The following ZNF362 variants were observed in gnomAD, a reference collection of about 807,000 sequenced individuals.
ZNF362 encodes rotund homolog.
ZNF362 carries 11 observed loss-of-function variants against 42.9 expected under a neutral mutation model. The observed-to-expected ratio is 0.26, with a 90% CI of 0.16 to 0.42. The LOEUF (loss-of-function observed/expected upper bound fraction) is 0.42, where lower values mean the gene tolerates loss of function less well. Ranked by LOEUF, ZNF362 falls within the 20% of genes least tolerant of loss-of-function variation. The probability of loss-of-function intolerance (pLI) is 1.00; values close to 1 mark genes in which losing one functional copy is unlikely to be tolerated. For missense variants in ZNF362, 362 were observed against 576.2 expected, an observed-to-expected ratio of 0.63 and a Z score of 3.81; for synonymous variants, 255 against 257.3, an observed-to-expected ratio of 0.99 and a Z score of 0.09.
At chr1:33,190,804 G>A in the ZNF362 span, among the ~76,000 whole-genome samples, 1 of 152,188 alleles carries the variant, frequency 6.6e-6, no homozygotes, top group Non-Finnish European at 1.5e-5. Context: ...CCAATGAGGA[G>A]GGCAGGAGGG....
At chr1:33,256,908 G>T (rs1189910794) in intron 1 of ZNF362, among the ~76,000 whole-genome samples, 1 of 149,896 alleles carries the variant, frequency 6.7e-6, no homozygotes, top group African/African-American at 2.5e-5. Flanking sequence ...CTCCGAGTGT[G>T]TGTGCGTGTG....
At chr1:33,159,082 T>C in the ZNF362 span, among the ~76,000 whole-genome samples, 1 of 151,866 alleles carries the variant, frequency 6.6e-6, no homozygotes, top group Admixed American at 6.6e-5. The surrounding 1 kb of genome is among the most constrained non-coding windows in gnomAD (Gnocchi z 4.2). Flanking sequence ...TGACCTCAGG[T>C]AATCCACCTG....
chr1:33,182,600 TTGTGTG>T, the ZNF362 span, among the ~76,000 whole-genome samples: 402 of 146,372 alleles, frequency 2.7e-3, 1 homozygote, highest in Middle Eastern at 7.0e-3. Flanking sequence ...AGTGCTGTAT[TTGTGTG>T]TGTGTGTGTG....
At chr1:33,194,110 A>G in the ZNF362 span, among the ~76,000 whole-genome samples, 1 of 152,242 alleles carries the variant, frequency 6.6e-6, no homozygotes, top group Non-Finnish European at 1.5e-5. Context: ...TAAAAATGCA[A>G]TAGATGTTTT....
chr1:33,130,778 G>A, the ZNF362 span, among the ~76,000 whole-genome samples: 1 of 152,252 alleles, frequency 6.6e-6, no homozygotes, highest in African/African-American at 2.4e-5. Flanking sequence ...AAAGACAGAA[G>A]TAGAGAAATT....
chr1:33,161,628 T>C, the ZNF362 span, among the ~76,000 whole-genome samples: 1 of 152,108 alleles, frequency 6.6e-6, no homozygotes, highest in African/African-American at 2.4e-5. The surrounding 1 kb of genome is among the most constrained non-coding windows in gnomAD (Gnocchi z 4.3). Flanking sequence ...ACGGCCAGGC[T>C]GCCGTGGCCT....
At chr1:33,202,335 G>A in the ZNF362 span, among the ~76,000 whole-genome samples, 2 of 152,260 alleles carry the variant, frequency 1.3e-5, no homozygotes, top group South Asian at 2.1e-4. Flanking sequence ...GGTGGCTCAC[G>A]CCTGTAATCC....
chr1:33,236,550 A>AAAAATATATATATATAT, the ZNF362 span, among the ~76,000 whole-genome samples: 1 of 5,978 alleles, frequency 1.7e-4, no homozygotes, highest in African/African-American at 3.9e-4. Flanking sequence ...AAAAAAAAAA[A>AAAAATATATATATATAT]ATATATATAT....
the ZNF362 span, among the ~76,000 whole-genome samples, chr1:33,151,223 G>A: frequency 1.3e-5 from 2 of 152,114 alleles, no homozygotes; most frequent in Non-Finnish European, 2.9e-5. Context: ...CAGCCCTGGC[G>A]AGCGGACCTG....
the ZNF362 span, among the ~76,000 whole-genome samples, chr1:33,162,390 C>T: frequency 1.3e-5 from 2 of 152,224 alleles, no homozygotes; most frequent in African/African-American, 2.4e-5. Flanking sequence ...AGATAACTTT[C>T]CTCTCTTTCA....
the ZNF362 span, chr1:33,158,277 A>G: frequency 1.2e-6 from 2 of 1,613,984 alleles, no homozygotes; most frequent in East Asian, 2.2e-5. Context: ...TGGAACAGGG[A>G]CTTCCAGATG....
At chr1:33,261,432 A>G (rs994868952) in intron 1 of ZNF362, 3 of 152,204 alleles carry the variant, frequency 2.0e-5, no homozygotes, top group African/African-American at 7.2e-5. Context: ...TCCTGGTTTC[A>G]GTGGCCTCTT....
the ZNF362 span, among the ~76,000 whole-genome samples, chr1:33,189,354 C>T: frequency 1.3e-5 from 2 of 151,962 alleles, no homozygotes; most frequent in Non-Finnish European, 2.9e-5. Context: ...TTTGTGACCT[C>T]TGGTCCTGCT....
the ZNF362 span, chr1:33,158,162 C>T: frequency 8.3e-7 from 1 of 1,204,398 alleles, no homozygotes; most frequent in Non-Finnish European, 1.2e-6. Flanking sequence ...CTCATTCACC[C>T]CAACTGCCCC....
chr1:33,205,895 G>A, the ZNF362 span, among the ~76,000 whole-genome samples: 4 of 151,648 alleles, frequency 2.6e-5, no homozygotes, highest in Non-Finnish European at 4.4e-5. Context: ...CATACTGGGC[G>A]ACAGAGCAAG....
At chr1:33,189,452 A>T in the ZNF362 span, among the ~76,000 whole-genome samples, 1 of 151,638 alleles carries the variant, frequency 6.6e-6, no homozygotes, top group Non-Finnish European at 1.5e-5. Context: ...TGGATCTGAC[A>T]GTACACAACT....
At chr1:33,228,582 A>G in the ZNF362 span, among the ~76,000 whole-genome samples, 1 of 152,100 alleles carries the variant, frequency 6.6e-6, no homozygotes, top group Admixed American at 6.6e-5. Flanking sequence ...ATGGGCCACA[A>G]ATTTGGGACT....
the ZNF362 span, among the ~76,000 whole-genome samples, chr1:33,185,223 T>A: frequency 6.6e-6 from 1 of 151,846 alleles, no homozygotes; most frequent in Non-Finnish European, 1.5e-5. Context: ...AGTCACAGAC[T>A]CTTTTTTTTT....
the ZNF362 span, among the ~76,000 whole-genome samples, chr1:33,182,393 TACA>T: frequency 1.3e-5 from 2 of 152,368 alleles, no homozygotes; most frequent in South Asian, 4.1e-4. Flanking sequence ...ATATTTGGAA[TACA>T]ACTTCTGCAT....
Sources: allele counts gnomAD v4.1 joint callset (sites outside exome capture counted in the v4.1 genomes callset), GRCh38; gene constraint gnomAD v4.1.1; non-coding constraint Gnocchi (gnomAD v3.1); transcripts MANE v1.5; gene names NCBI Gene and HGNC (gene_info 2026-07-23, HGNC 2026-07-21).